MCF2: variants seen among roughly 807,000 people sequenced by gnomAD.
MCF2 encodes MCF.2 cell line derived transforming sequence, also known as proto-oncogene DBL.
A neutral mutation model predicts 82.5 loss-of-function variants in MCF2; 44 were observed. The observed-to-expected ratio is 0.53, with a 90% CI of 0.42 to 0.69. The LOEUF is 0.69. Among genes scored for constraint, MCF2 ranks in the 30% least tolerant of loss-of-function variants. The pLI is 0.00. For synonymous variants in MCF2, 217 were observed against 224.9 expected (o/e 0.96, Z 0.32); for missense variants, 623 against 663.1 (o/e 0.94, Z 0.66).
At chrX:139,665,897 G>GTGTATA (rs1209903680) in intron 1 of MCF2, among the ~76,000 whole-genome samples, 3 of 68,585 alleles carry the variant, frequency 4.4e-5, no homozygotes, top group Non-Finnish European at 7.7e-5. Context: ...AGGTGTGTGT[G>GTGTATA]TATATATATA....
chrX:139,596,577 G>A (rs1163004653), exon 19 of MCF2: 2 of 1,208,237 alleles, frequency 1.7e-6, no homozygotes, highest in East Asian at 3.0e-5. Flanking sequence ...ACTGTATGAC[G>A]GGTATCTGTC....
At chrX:139,592,425 T>A (rs1339695413) in intron 19 of MCF2, among the ~76,000 whole-genome samples, 1 of 111,650 alleles carries the variant, frequency 9.0e-6, no homozygotes, top group African/African-American at 3.3e-5. Flanking sequence ...GGCATGTCCA[T>A]CATTGTAACA....
intron 19 of MCF2, 61 bp from the exon 24 acceptor site, chrX:139,589,988 A>C (rs1929356015): frequency 1.5e-6 from 1 of 677,899 alleles, no homozygotes; most frequent in South Asian, 2.7e-5. Context: ...ATTACATTAA[A>C]TCTACCCTAT....
intron 1 of MCF2, among the ~76,000 whole-genome samples, chrX:139,638,252 G>A (rs1382194939): frequency 1.8e-5 from 2 of 111,582 alleles, no homozygotes; most frequent in Admixed American, 1.9e-4. Context: ...TGTTGAACTA[G>A]ACTCAGTCAA....
intron 1 of MCF2, among the ~76,000 whole-genome samples, chrX:139,670,414 T>C (rs12835377): frequency 9.9e-5 from 11 of 111,199 alleles, no homozygotes; most frequent in Non-Finnish European, 1.1e-4. Context: ...CTGCACCCAT[T>C]AACTCGTCAT....
intron 1 of MCF2, among the ~76,000 whole-genome samples, chrX:139,671,446 G>C (rs1408273998): frequency 9.0e-6 from 1 of 111,442 alleles, no homozygotes; most frequent in Non-Finnish European, 1.9e-5. Context: ...TATGGTTTTA[G>C]GTCTAACATT....
At chrX:139,620,025 G>GTA (rs1273731717) in intron 6 of MCF2, among the ~76,000 whole-genome samples, 13 of 100,659 alleles carry the variant, frequency 1.3e-4, no homozygotes, top group African/African-American at 4.7e-4. Flanking sequence ...GTGTGTGTGT[G>GTA]TGTATATATA....
upstream of MCF2, chrX:139,646,897 C>T (rs780857849): frequency 1.1e-4 from 118 of 1,087,072 alleles, no homozygotes; most frequent in East Asian, 2.8e-4. Context: ...GTCCTTTCCC[C>T]GGCCACCTAC....
chrX:139,665,840 A>G (rs1309496500), intron 1 of MCF2, among the ~76,000 whole-genome samples: 1 of 102,110 alleles, frequency 9.8e-6, no homozygotes, highest in East Asian at 3.1e-4. Context: ...TGTGTTTTTT[A>G]TAAGGATATT....
chrX:139,693,862 A>G (rs1019979995), intron 1 of MCF2, among the ~76,000 whole-genome samples: 8 of 112,456 alleles, frequency 7.1e-5, no homozygotes, highest in Non-Finnish European at 1.5e-4. Flanking sequence ...GAGTTTCCAT[A>G]GCATAATTTA....
chrX:139,688,939 C>A (rs1935193101), intron 1 of MCF2, among the ~76,000 whole-genome samples: 1 of 111,672 alleles, frequency 9.0e-6, no homozygotes, highest in Non-Finnish European at 1.9e-5. Context: ...CCACAGAAAC[C>A]ACATACCCAG....
intron 20 of MCF2, among the ~76,000 whole-genome samples, chrX:139,589,040 TA>T (rs1256574137): frequency 8.9e-6 from 1 of 111,787 alleles, no homozygotes; most frequent in African/African-American, 3.3e-5. Context: ...GGATTCTTTT[TA>T]AAATATAACA....
intron 9 of MCF2, among the ~76,000 whole-genome samples, chrX:139,615,852 T>C (rs1931855256): frequency 9.0e-6 from 1 of 111,637 alleles, no homozygotes; most frequent in Non-Finnish European, 1.9e-5. Flanking sequence ...ATCCTATCTT[T>C]ATGCTTTCAT....
intron 1 of MCF2, among the ~76,000 whole-genome samples, chrX:139,689,144 G>A (rs771321675): frequency 7.2e-5 from 8 of 111,796 alleles, no homozygotes; most frequent in Non-Finnish European, 1.9e-5. Context: ...CTCATCCCCA[G>A]AAGTGACAGT....
At chrX:139,641,598 G>A (rs771355126) in intron 1 of MCF2, among the ~76,000 whole-genome samples, 24 of 110,478 alleles carry the variant, frequency 2.2e-4, no homozygotes, top group African/African-American at 7.6e-4. Flanking sequence ...GTGTTATCTC[G>A]ATATTTTTAG....
intron 24 of MCF2, among the ~76,000 whole-genome samples, chrX:139,583,890 A>C (rs1459122691): frequency 9.0e-6 from 1 of 111,639 alleles, no homozygotes; most frequent in Non-Finnish European, 1.9e-5. Flanking sequence ...AACTCTGGAC[A>C]AATATCTTAC....
At chrX:139,629,761 T>C (rs780984022) in exon 4 of MCF2, 1 of 1,206,222 alleles carries the variant, frequency 8.3e-7, no homozygotes, top group African/African-American at 1.7e-5. Context: ...TATCATCTGG[T>C]AGTTCTGTCT....
At chrX:139,705,701 G>A (rs769641537) in intron 1 of MCF2, among the ~76,000 whole-genome samples, 13 of 112,081 alleles carry the variant, frequency 1.2e-4, no homozygotes, top group African/African-American at 4.2e-4. Flanking sequence ...AATAAAACCA[G>A]AAATAGACCA....
chrX:139,663,030 AT>A (rs1458384801), intron 1 of MCF2, among the ~76,000 whole-genome samples: 1 of 112,112 alleles, frequency 8.9e-6, no homozygotes, highest in Non-Finnish European at 1.9e-5. Flanking sequence ...CATTTTCTTT[AT>A]CCATTCATCC....
Sources: allele counts gnomAD v4.1 joint callset (sites outside exome capture counted in the v4.1 genomes callset), GRCh38; gene constraint gnomAD v4.1.1; transcripts MANE v1.5; gene names NCBI Gene and HGNC (gene_info 2026-07-23, HGNC 2026-07-21).